The following SDCBP2 variants were observed in gnomAD, a reference collection of about 807,000 sequenced individuals.
SDCBP2 encodes the protein syndecan binding protein 2.
SDCBP2 carries 28 observed loss-of-function variants against 30.7 expected under a neutral mutation model. That is an observed-to-expected ratio of 0.91 (90% confidence interval 0.68 to 1.25). The LOEUF (loss-of-function observed/expected upper bound fraction) is 1.25. Ranked by LOEUF, SDCBP2 falls within the 50% of genes most tolerant of loss-of-function variation. SDCBP2 has a pLI of 0.00. For missense variants in SDCBP2, 399 were observed against 379.0 expected, an observed-to-expected ratio of 1.05 and a Z score of -0.44; for synonymous variants, 166 against 157.3, an observed-to-expected ratio of 1.06 and a Z score of -0.41.
intron 1 of SDCBP2, among the ~76,000 whole-genome samples, chr20:1,327,171 T>G (rs1451249124): frequency 6.6e-6 from 1 of 152,188 alleles, no homozygotes; most frequent in Non-Finnish European, 1.5e-5. Flanking sequence ...CCCACAGCCC[T>G]TTCCAGATTT....
At chr20:1,322,866 C>A (rs1414556815) in intron 1 of SDCBP2, 1 of 152,192 alleles carries the variant, frequency 6.6e-6, no homozygotes, top group African/African-American at 2.4e-5. Flanking sequence ...CCACTATGCC[C>A]AGCCTTTTGT....
At chr20:1,310,708 G>A in intron 8 of SDCBP2, 92 bp downstream of exon 8, 1 of 1,181,936 alleles carries the variant, frequency 8.5e-7, no homozygotes, top group East Asian at 2.4e-5. Context: ...TGAGAAAGTG[G>A]AAGTGGCTGA....
At chr20:1,327,827 G>A (rs907991895) in intron 1 of SDCBP2, among the ~76,000 whole-genome samples, 2 of 152,242 alleles carry the variant, frequency 1.3e-5, no homozygotes, top group African/African-American at 4.8e-5. Flanking sequence ...TTTATTCATT[G>A]TTTCAGCGCT....
Position 1,310,494 on chromosome 20 carries a change from A to G in SDCBP2, c.826T>C (p.Leu276=). Residue 276 remains leucine, a splice_region_variant and synonymous_variant, in exon 9 of 9, where the codon TTG becomes CTG. Coordinates refer to ENST00000360779, the MANE Select transcript of SDCBP2 (RefSeq NM_080489.5). ...GTGTGGTGGAGCAGGACTGGAGGCA[A>G]CCTGGATACAGCAACAACAGTGACC... is the stretch of plus-strand genomic sequence containing the variant. ...SVIYEHMVKK[L]PPVLLHHTMD... 2 of 1,613,610 alleles carry G rather than the reference A, an allele frequency of 1.2e-6. No individual in the cohort carries two copies. Among genetic ancestry groups the G allele is most frequent in the Non-Finnish European group, 1.7e-6 (2 of 1,179,922 alleles).
In SDCBP2 at chr20:1,313,124, A is replaced by G. The variant is rs2088705766; in HGVS notation, c.384+216T>C. On this transcript the variant is annotated intron_variant, in intron 5 of 8. Transcript: ENST00000360779. This position sits in a 1 kb window ranked among gnomAD's most constrained non-coding sequence, Gnocchi z 5.2. ...GAAGGGAGGCTCCTCCGAGCGACGG[A>G]AGCCCACGGAGAGGCCAGTGGAGGG... is the stretch of plus-strand genomic sequence containing the variant. 3.3e-6 allele frequency: 2 copies of G among 607,156 alleles called. No individual in the cohort carries two copies. Among genetic ancestry groups the G allele is most frequent in the African/African-American group, 1.9e-5 (1 of 53,784 alleles). The allele number at this position is 607,156 out of a possible 1,614,324, so 37.6% of individuals were successfully genotyped here.
intron 4 of SDCBP2, 167 bp downstream of exon 4, chr20:1,318,151 T>G (rs1274121043): frequency 1.5e-6 from 1 of 659,020 alleles, no homozygotes; most frequent in Admixed American, 2.1e-5. Context: ...GTGGTTTTCG[T>G]GAAGCCTCAA....
chr20:1,325,286 T>A (rs1437776241), intron 1 of SDCBP2: 1 of 152,254 alleles, frequency 6.6e-6, no homozygotes, highest in Non-Finnish European at 1.5e-5. Flanking sequence ...TGCTACAGGT[T>A]ACGGCGGTTG....
chr20:1,319,393 T>G (rs760300273), intron 3 of SDCBP2, 197 bp downstream of exon 3: 37 of 606,998 alleles, frequency 6.1e-5, no homozygotes, highest in Non-Finnish European at 1.1e-4. Flanking sequence ...GCACAGGCTC[T>G]GGGAGGTGAG....
intron 3 of SDCBP2, among the ~76,000 whole-genome samples, chr20:1,319,030 T>C (rs1045397841): frequency 5.9e-5 from 9 of 152,230 alleles, no homozygotes; most frequent in Admixed American, 5.9e-4. Context: ...AAGCCTAAGC[T>C]GAATAAGGCA....
In SDCBP2 at chr20:1,313,387, T is replaced by G. The variant is rs755496574; in HGVS notation, c.337A>C (p.Lys113Gln). Reference sequence around the variant, plus strand: ...AGCCCGGTCTTGCCGCGCTCGTCCTTGCACAGGTGGATCTCGCGCACCCCG... The same window carrying G: ...AGCCCGGTCTTGCCGCGCTCGTCCTGGCACAGGTGGATCTCGCGCACCCCG... Reference protein sequence around the residue: ...KPGVREIHLCKDERGKTGLRL... With the variant: ...KPGVREIHLCQDERGKTGLRL... Residue 113 changes from lysine (K) to glutamine (Q), a missense_variant, in exon 5 of 9, where the codon AAG (lysine) becomes CAG (glutamine). Physicochemically the swap from Lys to Gln is moderately conservative, Grantham distance 53. Transcript: ENST00000360779. This position sits in a 1 kb window ranked among gnomAD's most constrained non-coding sequence, Gnocchi z 5.2. 3.7e-6 allele frequency: 6 copies of G among 1,611,172 alleles called. No homozygotes were observed. Among genetic ancestry groups the G allele is most frequent in the Non-Finnish European group, 5.1e-6 (6 of 1,179,430 alleles).
chr20:1,327,859 G>C (rs759940051), intron 1 of SDCBP2, among the ~76,000 whole-genome samples: 2 of 152,260 alleles, frequency 1.3e-5, no homozygotes, highest in Admixed American at 6.5e-5. Flanking sequence ...CACCTGCTAA[G>C]TCTGAGTACT....
rs369544155 is a variant in SDCBP2, at chr20:1,310,853, G to A, written c.771C>T (p.Asn257=). 9.3e-5 allele frequency: 150 copies of A among 1,613,892 alleles called. No homozygotes were observed. Among genetic ancestry groups the A allele is most frequent in the Admixed American group, 1.2e-4 (7 of 59,994 alleles). The stretch of plus-strand genomic sequence containing the variant: ...TGGGGATGATGGTCAGGGTGACAAC[G>A]TTCCCAGCCGTGGCCAGAATCTCCA... ...KIMEILATAG[N]VVTLTIIPSV... Residue 257 remains asparagine, a synonymous_variant, in exon 8 of 9, where the codon AAC becomes AAT. Coordinates refer to ENST00000360779, the MANE Select transcript of SDCBP2 (RefSeq NM_080489.5).
intron 3 of SDCBP2, 151 bp downstream of exon 3, chr20:1,319,439 G>T: frequency 1.3e-6 from 1 of 794,936 alleles, no homozygotes; most frequent in Non-Finnish European, 2.1e-6. Flanking sequence ...AGTAAGAGGT[G>T]GGTGGCAACT....
chr20:1,326,969 C>T (rs535131451), intron 1 of SDCBP2, among the ~76,000 whole-genome samples: 13 of 152,322 alleles, frequency 8.5e-5, no homozygotes, highest in Non-Finnish European at 1.6e-4. Context: ...GAAAGTCTTT[C>T]GAAGAATAAC....
chr20:1,319,797 C>T (rs2088828778), intron 2 of SDCBP2, 138 bp from the exon 3 acceptor site: 2 of 652,178 alleles, frequency 3.1e-6, no homozygotes, highest in East Asian at 3.0e-5. Flanking sequence ...CACCAACCCT[C>T]AGGGCTCAAG....
In SDCBP2 at chr20:1,319,591, T is replaced by G; in HGVS notation, c.123A>C (p.Pro41=). The G allele has an allele frequency of 1.9e-6, 3 of 1,566,846 alleles. No individual in the cohort carries two copies. Among genetic ancestry groups the G allele is most frequent in the Non-Finnish European group, 2.6e-6 (3 of 1,154,502 alleles). The change falls in exon 3 of 9, where the codon CCA becomes CCC. Residue 41 remains proline, a splice_region_variant and synonymous_variant. Transcript: ENST00000360779. ...PVQATAISPP[P]VLYPNLAELE... is the part of the protein sequence containing the mutation. Reference sequence around the variant, plus strand: ...AGCCCCTCATCCCAGCCCACTCACCTGGTGGTGGGGAAATGGCTGTTGCCT... The same window carrying G: ...AGCCCCTCATCCCAGCCCACTCACCGGGTGGTGGGGAAATGGCTGTTGCCT...
rs535470512 is a variant in SDCBP2 at position 1,324,509 on chromosome 20, G to A, written c.-19-4074C>T. On this transcript the variant is annotated intron_variant, in intron 1 of 8. Coordinates refer to ENST00000360779, the MANE Select transcript of SDCBP2 (RefSeq NM_080489.5). This position sits in a 1 kb window ranked among gnomAD's most constrained non-coding sequence, Gnocchi z 4.7. Reference sequence around the variant, plus strand: ...TCCATTACAGTCACCATAACAAATGGTCCTGTCCCGCACAACTTTCAGATA... The same window carrying A: ...TCCATTACAGTCACCATAACAAATGATCCTGTCCCGCACAACTTTCAGATA... The A allele has an allele frequency of 7.2e-5, 11 of 152,226 alleles. No homozygotes were observed. Among genetic ancestry groups the A allele is most frequent in the Admixed American group, 5.2e-4 (8 of 15,292 alleles). 9.4% of individuals were successfully genotyped at this position (152,226 alleles called of 1,614,324 possible).
chr20:1,327,860 T>G (rs1050544655), intron 1 of SDCBP2, among the ~76,000 whole-genome samples: 10 of 152,264 alleles, frequency 6.6e-5, no homozygotes, highest in Non-Finnish European at 1.3e-4. Flanking sequence ...ACCTGCTAAG[T>G]CTGAGTACTG....
Position 1,312,301 on chromosome 20 carries a change from C to A in SDCBP2, c.732+36G>T, listed in dbSNP as rs949557873. On this transcript the variant is annotated intron_variant, in intron 7 of 8. Transcript: ENST00000360779. ...CCCAAAGACCTGAGCCCTCCCACCA[C>A]CCGGCAGTCCCTCCCTGGTGCGGCC... 3.1e-6 allele frequency: 5 copies of A among 1,600,924 alleles called. No individual in the cohort carries two copies. In the Admixed American group the frequency reaches 8.4e-5, roughly 27 times the overall value.
Sources: allele counts gnomAD v4.1 joint callset (sites outside exome capture counted in the v4.1 genomes callset), GRCh38; gene constraint gnomAD v4.1.1; non-coding constraint Gnocchi (gnomAD v3.1); transcripts MANE v1.5; gene names NCBI Gene and HGNC (gene_info 2026-07-23, HGNC 2026-07-21).